ROBO2: variants seen among roughly 807,000 people sequenced by gnomAD.
ROBO2 encodes the protein roundabout homolog 2.
Under a neutral mutation model 160.8 loss-of-function variants are expected in ROBO2, and 53 were observed. The observed-to-expected ratio is 0.33, with a 90% CI of 0.26 to 0.41. The LOEUF (loss-of-function observed/expected upper bound fraction) is 0.41, where lower values mean the gene tolerates loss of function less well. Ranked by LOEUF, ROBO2 falls within the 10% of genes least tolerant of loss-of-function variation. The pLI, the probability that ROBO2 is intolerant of heterozygous loss-of-function variation, is 1.00. For synonymous variants in ROBO2, 664 were observed against 611.7 expected (o/e 1.09, Z -1.26); for missense variants, 1,577 against 1,722.4 (o/e 0.92, Z 1.49).
intron 2 of ROBO2, among the ~76,000 whole-genome samples, chr3:76,652,426 T>G (rs2091296544): frequency 6.6e-6 from 1 of 152,196 alleles, no homozygotes; most frequent in Non-Finnish European, 1.5e-5. Flanking sequence ...CTCACTCATT[T>G]TATAAGGGAA....
intron 2 of ROBO2, among the ~76,000 whole-genome samples, chr3:76,573,299 T>C (rs1256649772): frequency 6.6e-6 from 1 of 152,084 alleles, no homozygotes; most frequent in African/African-American, 2.4e-5. Flanking sequence ...ACAGAGTGGT[T>C]TTAATAAATC....
chr3:76,435,310 T>C, intron 2 of ROBO2: 3 of 914,106 alleles, frequency 3.3e-6, no homozygotes, highest in Non-Finnish European at 3.7e-6. Context: ...TCTTCCTAGA[T>C]GAACACCCTC....
At chr3:77,000,985 A>G (rs1030712090) in intron 2 of ROBO2, among the ~76,000 whole-genome samples, 3 of 152,154 alleles carry the variant, frequency 2.0e-5, no homozygotes, top group African/African-American at 7.2e-5. Context: ...AGCACCATAT[A>G]TTTAAGAGCC....
chr3:77,006,798 A>T (rs1301034087), intron 2 of ROBO2, among the ~76,000 whole-genome samples: 1 of 152,096 alleles, frequency 6.6e-6, no homozygotes, highest in Non-Finnish European at 1.5e-5. Flanking sequence ...ACAAGGCATA[A>T]GTGATAAAAA....
intron 2 of ROBO2, among the ~76,000 whole-genome samples, chr3:76,058,852 A>G (rs1289944737): frequency 8.3e-6 from 1 of 119,954 alleles, no homozygotes; most frequent in Non-Finnish European, 1.6e-5. Context: ...TCCTGTGTCC[A>G]TGTGTTCTCA....
Position 75,937,841 on chromosome 3 carries a change from T to TTATATATATATATATATATATA in ROBO2, c.109+251_109+272dup, listed in dbSNP as rs1158457510. ...TGGCTTTTATCTGTTGGAATTGATTTTATATATATATATATATATATATAT... is the reference window on the plus strand; with the variant it reads ...TGGCTTTTATCTGTTGGAATTGATTTTATATATATATATATATATATATATATATATATATATATATATATAT... On this transcript the variant is annotated intron_variant, in intron 2 of 26. Coordinates refer to the ROBO2 transcript ENST00000487694. Among the ~76,000 whole-genome samples the TTATATATATATATATATATATA allele has an allele frequency of 2.2e-3, 235 of 105,454 alleles. 1 individual carries two copies. The highest frequency in any genetic ancestry group is 4.6e-3 in the South Asian group (15 of 3,260). 69.2% of individuals were successfully genotyped at this position (105,454 alleles called of 152,430 possible).
intron 2 of ROBO2, among the ~76,000 whole-genome samples, chr3:76,337,262 T>C (rs2073952098): frequency 6.6e-6 from 1 of 152,146 alleles, no homozygotes; most frequent in Non-Finnish European, 1.5e-5. Context: ...TCAAGTGACA[T>C]AGAAAATAAC....
intron 2 of ROBO2, among the ~76,000 whole-genome samples, chr3:76,697,592 A>G (rs1297990852): frequency 6.6e-6 from 1 of 152,104 alleles, no homozygotes; most frequent in Non-Finnish European, 1.5e-5. Context: ...GCTGCAGTGA[A>G]CCATAATTGC....
At chr3:75,922,071 T>C (rs115370987) in intron 1 of ROBO2, among the ~76,000 whole-genome samples, 84 of 152,278 alleles carry the variant, frequency 5.5e-4, no homozygotes, top group African/African-American at 2.0e-3. Context: ...CATAATTTCA[T>C]AATTAAATAA....
chr3:77,588,847 G>C (rs370767550), exon 17 of ROBO2: 2 of 1,613,584 alleles, frequency 1.2e-6, no homozygotes, highest in Non-Finnish European at 1.7e-6. Context: ...GCTGGTATTG[G>C]TGGTGCCTGC....
intron 2 of ROBO2, among the ~76,000 whole-genome samples, chr3:76,201,634 A>G (rs966546822): frequency 1.3e-5 from 2 of 151,990 alleles, no homozygotes; most frequent in African/African-American, 4.8e-5. Flanking sequence ...CCATCTGTTA[A>G]TTTTATATTA....
At chr3:77,317,285 C>T in intron 2 of ROBO2, 5 of 752,126 alleles carry the variant, frequency 6.6e-6, no homozygotes, top group Non-Finnish European at 9.5e-6. Flanking sequence ...TTTTTTTTTT[C>T]CCAGTGTTAG....
chr3:77,615,239 G>C (rs2094745252), intron 21 of ROBO2, among the ~76,000 whole-genome samples: 1 of 152,034 alleles, frequency 6.6e-6, no homozygotes, highest in Non-Finnish European at 1.5e-5. Context: ...TTGAGCAGAA[G>C]GTACAGATTT....
At chr3:77,172,406 T>TG (rs1468763537) in intron 2 of ROBO2, among the ~76,000 whole-genome samples, 5 of 150,782 alleles carry the variant, frequency 3.3e-5, no homozygotes, top group African/African-American at 7.3e-5. Context: ...TCTTTTCTGA[T>TG]TTTTTTTTAA....
rs2063960742 is a variant in ROBO2, at chr3:77,040,264, A to G, written c.-522A>G. The G allele has an allele frequency of 4.0e-6, 4 of 988,672 alleles. No individual in the cohort carries two copies. The highest frequency in any genetic ancestry group is 3.6e-6 in the Non-Finnish European group (3 of 832,328). The allele number at this position is 988,672 out of a possible 1,614,324, so 61.2% of individuals were successfully genotyped here. ...CACATTCTTATTATGGAAGTTAAGT[A>G]AAAATATAGACATATTAAAAAATAA... is the stretch of plus-strand genomic sequence containing the variant. On this transcript the variant is annotated 5_prime_UTR_variant, in exon 1 of 26. The change abolishes the stop of an existing upstream ORF in the 5' untranslated region. Transcript: ENST00000461745.
chr3:77,099,812 A>C (rs2071652764), intron 2 of ROBO2, among the ~76,000 whole-genome samples: 1 of 152,152 alleles, frequency 6.6e-6, no homozygotes. Context: ...CAAAAAGTTT[A>C]GGTGACCAAG....
At chr3:76,317,299 T>C (rs2107836946) in intron 2 of ROBO2, among the ~76,000 whole-genome samples, 1 of 152,356 alleles carries the variant, frequency 6.6e-6, no homozygotes, top group African/African-American at 2.4e-5. Context: ...GCCAATGTGA[T>C]GGATCTCACC....
At chr3:76,934,168 T>C (rs1174878347) in intron 2 of ROBO2, among the ~76,000 whole-genome samples, 3 of 151,010 alleles carry the variant, frequency 2.0e-5, no homozygotes, top group African/African-American at 7.3e-5. Flanking sequence ...CTTGTTATCA[T>C]ATTCCTGGAA....
At chr3:76,187,596 T>C (rs925110996) in intron 2 of ROBO2, among the ~76,000 whole-genome samples, 1 of 152,108 alleles carries the variant, frequency 6.6e-6, no homozygotes, top group African/African-American at 2.4e-5. Context: ...CTCTTTCCTA[T>C]TGTGTGTTTA....
Sources: allele counts gnomAD v4.1 joint callset (sites outside exome capture counted in the v4.1 genomes callset), GRCh38; gene constraint gnomAD v4.1.1; transcripts MANE v1.5; gene names NCBI Gene and HGNC (gene_info 2026-07-23, HGNC 2026-07-21).